The following OXR1 variants were observed in gnomAD, a reference collection of about 807,000 sequenced individuals.
OXR1 encodes oxidation resistance 1.
Under a neutral mutation model 104.6 loss-of-function variants are expected in OXR1, and 41 were observed. That is an observed-to-expected ratio of 0.39 (90% CI 0.31 to 0.51). The LOEUF (loss-of-function observed/expected upper bound fraction) is 0.51. Ranked by LOEUF, OXR1 falls within the 20% of genes least tolerant of loss-of-function variation. The probability of loss-of-function intolerance (pLI) is 0.77; values close to 1 mark genes in which losing one functional copy is unlikely to be tolerated. For missense variants in OXR1, 955 were observed against 1,031.9 expected (o/e 0.93, Z 1.02); for synonymous variants, 348 against 348.4 (o/e 1.00, Z 0.01).
intron 3 of OXR1, among the ~76,000 whole-genome samples, chr8:106,551,860 ATGTGTG>A (rs71307068): frequency 0.097 from 12,271 of 126,534 alleles, 675 homozygotes; most frequent in African/African-American, 0.15. Context: ...GTGTATATAT[ATGTGTG>A]TGTGTGTGTG....
intron 1 of OXR1, among the ~76,000 whole-genome samples, chr8:106,353,578 T>A (rs1815829022): frequency 6.6e-6 from 1 of 152,070 alleles, no homozygotes; most frequent in Admixed American, 6.5e-5. Flanking sequence ...ATTTTGTTCA[T>A]TTTTTACATT....
intron 2 of OXR1, among the ~76,000 whole-genome samples, chr8:106,468,234 G>T (rs1372604168): frequency 6.6e-6 from 1 of 151,812 alleles, no homozygotes; most frequent in African/African-American, 2.4e-5. Context: ...AATGAGTATA[G>T]TAAGGAAACA....
At chr8:106,440,074 G>A (rs1455909917) in intron 2 of OXR1, among the ~76,000 whole-genome samples, 1 of 152,086 alleles carries the variant, frequency 6.6e-6, no homozygotes, top group African/African-American at 2.4e-5. Context: ...AAAAAAGTCT[G>A]CTCCATATTA....
intron 1 of OXR1, among the ~76,000 whole-genome samples, chr8:106,291,854 T>C (rs1812769538): frequency 6.6e-6 from 1 of 152,120 alleles, no homozygotes; most frequent in Non-Finnish European, 1.5e-5. Flanking sequence ...ACATGCCCTT[T>C]ATAAAACCAT....
chr8:106,461,335 G>T (rs1820901443), intron 2 of OXR1, among the ~76,000 whole-genome samples: 1 of 152,116 alleles, frequency 6.6e-6, no homozygotes, highest in Non-Finnish European at 1.5e-5. Context: ...ACTTTAGGAG[G>T]CTGAGGTAGG....
chr8:106,715,451 T>TATATTATATAATATACATCTTATATAC (rs1483969849), intron 11 of OXR1, among the ~76,000 whole-genome samples: 4 of 148,582 alleles, frequency 2.7e-5, no homozygotes, highest in Non-Finnish European at 5.9e-5. Context: ...TATATATATA[T>TATATTATATAATATACATCTTATATAC]ATATTATATA....
At chr8:106,576,820 C>T (rs16874866) in intron 3 of OXR1, among the ~76,000 whole-genome samples, 76,274 of 151,886 alleles carry the variant, frequency 0.5, 19,367 homozygotes, top group African/African-American at 0.54. Flanking sequence ...ATACTGAAAA[C>T]ACTATAGAAA....
At chr8:106,739,117 C>T (rs1033616965) in intron 12 of OXR1, among the ~76,000 whole-genome samples, 19 of 138,086 alleles carry the variant, frequency 1.4e-4, no homozygotes, top group Non-Finnish European at 2.7e-4. Context: ...CACACACACA[C>T]ACAGCGCAAG....
chr8:106,346,725 C>A (rs1815496923), intron 1 of OXR1, among the ~76,000 whole-genome samples: 2 of 144,648 alleles, frequency 1.4e-5, no homozygotes, highest in Non-Finnish European at 3.1e-5. Context: ...GTTTAGAGGC[C>A]CTTTCTGTTG....
intron 1 of OXR1, among the ~76,000 whole-genome samples, chr8:106,346,875 T>C (rs1016111787): frequency 2.6e-5 from 4 of 152,100 alleles, no homozygotes; most frequent in African/African-American, 9.7e-5. Flanking sequence ...CCGTCTCTAC[T>C]AAAAATACAA....
intron 3 of OXR1, among the ~76,000 whole-genome samples, chr8:106,522,228 C>T (rs1381777395): frequency 6.6e-6 from 1 of 152,040 alleles, no homozygotes; most frequent in Non-Finnish European, 1.5e-5. Flanking sequence ...GGATTGGTTC[C>T]AGAACCCTCA....
chr8:106,352,802 T>C (rs905972975), intron 1 of OXR1, among the ~76,000 whole-genome samples: 1 of 152,216 alleles, frequency 6.6e-6, no homozygotes, highest in African/African-American at 2.4e-5. Context: ...TCGAAGTAGA[T>C]ATAGATATAA....
At chr8:106,699,383 T>C (rs773597286) in intron 7 of OXR1, among the ~76,000 whole-genome samples, 2 of 152,124 alleles carry the variant, frequency 1.3e-5, no homozygotes, top group African/African-American at 2.4e-5. Context: ...TTCTGGGTTG[T>C]TTGTTTGTTT....
intron 3 of OXR1, among the ~76,000 whole-genome samples, chr8:106,519,874 A>G (rs543856058): frequency 6.6e-6 from 1 of 152,324 alleles, no homozygotes; most frequent in Non-Finnish European, 1.5e-5. Flanking sequence ...TTAGTGTACC[A>G]TATTAGCCCA....
chr8:106,361,875 A>G (rs1816261454), intron 2 of OXR1, among the ~76,000 whole-genome samples: 1 of 152,210 alleles, frequency 6.6e-6, no homozygotes, highest in East Asian at 1.9e-4. Flanking sequence ...AGTGTATGCC[A>G]TGCTTGATTT....
chr8:106,458,441 G>A (rs943566806), intron 2 of OXR1, among the ~76,000 whole-genome samples: 2 of 152,172 alleles, frequency 1.3e-5, no homozygotes, highest in South Asian at 4.1e-4. Context: ...AGCTGTGGAA[G>A]TTTGGCTCCC....
chr8:106,752,378 T>C lies in OXR1; in HGVS notation c.*1437T>C, dbSNP rs1195953856. 1 of 152,546 alleles carries C rather than the reference T, an allele frequency of 6.6e-6. No individual in the cohort carries two copies. Among genetic ancestry groups the C allele is most frequent in the Non-Finnish European group, 1.5e-5 (1 of 67,946 alleles). 9.4% of individuals were successfully genotyped at this position (152,546 alleles called of 1,614,324 possible). Reference sequence around the variant, plus strand: ...TTAGTTCTTTTGAAAGTTTAGATAATTATTTAAAGAAAGCATAATGCTAAT... The same window carrying C: ...TTAGTTCTTTTGAAAGTTTAGATAACTATTTAAAGAAAGCATAATGCTAAT... On this transcript the variant is annotated 3_prime_UTR_variant, in exon 17 of 17. Transcript: ENST00000517566.
intron 2 of OXR1, among the ~76,000 whole-genome samples, chr8:106,458,986 A>G (rs1284286015): frequency 6.6e-6 from 1 of 152,166 alleles, no homozygotes; most frequent in Non-Finnish European, 1.5e-5. Context: ...TATCTGATTT[A>G]GATGAGACTC....
intron 3 of OXR1, among the ~76,000 whole-genome samples, chr8:106,555,778 C>A (rs976996295): frequency 5.3e-5 from 8 of 151,372 alleles, no homozygotes; most frequent in African/African-American, 1.9e-4. Flanking sequence ...AGATAAATTA[C>A]TATTAAAAAA....
Sources: gnomAD v4.1 joint callset for allele counts (sites outside exome capture counted in the v4.1 genomes callset) on GRCh38, gnomAD v4.1.1 for gene constraint, MANE v1.5 for transcripts, NCBI Gene and HGNC (gene_info 2026-07-23, HGNC 2026-07-21) for gene names.